Variants in SHOC2 observed in about 807,000 individuals in gnomAD.
The protein encoded by SHOC2 is SHOC2 leucine rich repeat scaffold protein, also known as leucine-rich repeat protein SHOC-2.
In SHOC2, 4 loss-of-function variants were observed where a neutral mutation model predicts 50.2. The ratio of observed to expected loss-of-function variants is 0.08; its 90% CI spans 0.04 to 0.18. The LOEUF (loss-of-function observed/expected upper bound fraction) is 0.18, where lower values mean the gene tolerates loss of function less well. Ranked by LOEUF, SHOC2 falls within the 10% of genes least tolerant of loss-of-function variation. The pLI, the probability that SHOC2 is intolerant of heterozygous loss-of-function variation, is 1.00. For missense variants in SHOC2, 388 were observed against 669.6 expected (o/e 0.58, Z 4.64); for synonymous variants, 218 against 244.5 (o/e 0.89, Z 1.01).
intron 1 of SHOC2, among the ~76,000 whole-genome samples, chr10:110,929,069 G>A (rs1846836737): frequency 6.6e-6 from 1 of 152,138 alleles, no homozygotes; most frequent in South Asian, 2.1e-4. Flanking sequence ...CCTGTGCCAA[G>A]ATCTTGAAGA....
At chr10:110,990,874 T>A (rs1848174072) in intron 3 of SHOC2, among the ~76,000 whole-genome samples, 1 of 152,222 alleles carries the variant, frequency 6.6e-6, no homozygotes, top group South Asian at 2.1e-4. Flanking sequence ...CTTATCCCTC[T>A]CATTGATGTT....
Position 110,932,622 on chromosome 10 carries a change from T to G in SHOC2, c.-235+12965T>G, listed in dbSNP as rs147534346. 7.9e-5 allele frequency among the ~76,000 whole-genome samples: 12 copies of G among 152,304 alleles called. No individual in the cohort carries two copies. The East Asian group carries it at 1.9e-3, about 25-fold the overall frequency. The stretch of plus-strand genomic sequence containing the variant: ...CCTGGATTCCTAGCCCCCTTTCACC[T>G]TTTTTGGTTGATTCCTGCTTAGATG... On this transcript the variant is annotated intron_variant, in intron 1 of 8. Coordinates refer to ENST00000369452, the MANE Select transcript of SHOC2 (RefSeq NM_007373.4).
intron 2 of SHOC2, among the ~76,000 whole-genome samples, chr10:110,971,497 T>G (rs1010470612): frequency 6.6e-6 from 1 of 152,130 alleles, no homozygotes; most frequent in Non-Finnish European, 1.5e-5. Flanking sequence ...TGCCTCCAAT[T>G]TTGTCCTTTT....
intron 1 of SHOC2, among the ~76,000 whole-genome samples, chr10:110,958,220 C>T (rs913839317): frequency 6.9e-6 from 1 of 145,472 alleles, no homozygotes; most frequent in Non-Finnish European, 1.5e-5. Context: ...TTCTTTCTTT[C>T]TTTTTTTTTT....
chr10:110,920,148 T>C (rs1327810477), intron 1 of SHOC2: 2 of 152,058 alleles, frequency 1.3e-5, no homozygotes, highest in Non-Finnish European at 2.9e-5. Flanking sequence ...TCATACAGGG[T>C]GGGGTCTCTT....
chr10:111,011,594 T>A lies in SHOC2; in HGVS notation c.1541-16T>A. The stretch of plus-strand genomic sequence containing the variant: ...CAACTAATTTTTAAAAAAAAATTGA[T>A]TTTTTTTTTAAACAGGTACACTGGA... On this transcript the variant is annotated splice_polypyrimidine_tract_variant and intron_variant, in intron 8 of 8. Transcript: ENST00000369452. 2.0e-6 allele frequency: 3 copies of A among 1,465,668 alleles called. No homozygotes were observed. Among genetic ancestry groups the A allele is most frequent in the Non-Finnish European group, 2.8e-6 (3 of 1,057,286 alleles). The allele number at this position is 1,465,668 out of a possible 1,614,324, so 90.8% of individuals were successfully genotyped here.
intron 1 of SHOC2, among the ~76,000 whole-genome samples, chr10:110,934,128 G>C (rs904188832): frequency 2.6e-5 from 4 of 152,170 alleles, no homozygotes; most frequent in Non-Finnish European, 5.9e-5. Context: ...GTTGATGCAG[G>C]CTCTTTGGAA....
At position 110,964,431 on chromosome 10, in the gene SHOC2, G is replaced by C; in HGVS notation, c.73G>C (p.Glu25Gln). 1 of 1,613,304 alleles carries C rather than the reference G, an allele frequency of 6.2e-7. No homozygotes were observed. The highest frequency in any genetic ancestry group is 1.3e-5 in the African/African-American group (1 of 74,864). ...CAAAGTACCATCAGCCAAGGAAAGA[G>C]AAAAGGAGGCAAAAGCCTCTGGAGG... ...DPKVPSAKER[E>Q]KEAKASGGFG... Residue 25 changes from glutamate to glutamine, a missense_variant, in exon 2 of 9, where the codon GAA becomes CAA. Physicochemically the swap from Glu to Gln is conservative, Grantham distance 29. This residue lies in a region of SHOC2 where 121 missense variants were observed against 145.5 expected (regional missense o/e 0.83). Coordinates refer to ENST00000369452, the MANE Select transcript of SHOC2 (RefSeq NM_007373.4). This position sits in a 1 kb window ranked among gnomAD's most constrained non-coding sequence, Gnocchi z 4.9.
chr10:110,966,522 G>A (rs1051735229), intron 2 of SHOC2, among the ~76,000 whole-genome samples: 10 of 152,010 alleles, frequency 6.6e-5, no homozygotes, highest in African/African-American at 2.2e-4. Context: ...TTGTTGTTTT[G>A]TGTATGTGTT....
At position 110,964,615 on chromosome 10, in the gene SHOC2, G is replaced by A; in HGVS notation, c.257G>A (p.Ser86Asn). Residue 86 changes from serine to asparagine, a missense_variant, in exon 2 of 9, where the codon AGC (serine) becomes AAC (asparagine). Physicochemically the swap from Ser to Asn is conservative, Grantham distance 46. This residue lies in a region of SHOC2 where 121 missense variants were observed against 145.5 expected (regional missense o/e 0.83). Transcript: ENST00000369452. This position sits in a 1 kb window ranked among gnomAD's most constrained non-coding sequence, Gnocchi z 4.9. ...NPAPGTRKKSSNAEVIKELNK... is the reference protein window; with the variant it reads ...NPAPGTRKKSNNAEVIKELNK... Reference sequence around the variant, plus strand: ...GCACCTGGGACTAGAAAAAAATCCAGCAATGCAGAGGTGATTAAAGAGCTC... The same window carrying A: ...GCACCTGGGACTAGAAAAAAATCCAACAATGCAGAGGTGATTAAAGAGCTC... 6.2e-7 allele frequency: 1 copy of A among 1,614,096 alleles called. No individual in the cohort carries two copies. The highest frequency in any genetic ancestry group is 8.5e-7 in the Non-Finnish European group (1 of 1,179,992).
intron 1 of SHOC2, among the ~76,000 whole-genome samples, chr10:110,957,044 C>A (rs753470951): frequency 6.6e-6 from 1 of 152,084 alleles, no homozygotes. Flanking sequence ...TGGGCATTTG[C>A]CCTAAGGCAA....
At chr10:110,922,251 G>A (rs1846668103) in intron 1 of SHOC2, among the ~76,000 whole-genome samples, 1 of 152,046 alleles carries the variant, frequency 6.6e-6, no homozygotes, top group Non-Finnish European at 1.5e-5. Context: ...ATTCTATGTG[G>A]AATGTTTCCA....
At chr10:110,976,763 G>C (rs569095500) in intron 2 of SHOC2, among the ~76,000 whole-genome samples, 33 of 152,208 alleles carry the variant, frequency 2.2e-4, no homozygotes, top group African/African-American at 7.9e-4. Flanking sequence ...TGATCTTGGA[G>C]TTTATAAGCC....
rs976561291 is a variant in SHOC2 at position 110,964,099 on chromosome 10, T to A, written c.-234-26T>A. 8.2e-6 allele frequency: 4 copies of A among 487,730 alleles called. No individual in the cohort carries two copies. The highest frequency in any genetic ancestry group is 1.4e-5 in the Non-Finnish European group (4 of 281,172). The allele number at this position is 487,730 out of a possible 1,614,324, so 30.2% of individuals were successfully genotyped here. ...TTTAATATAAATTATCTAAAGTAAT[T>A]TAATACTGTCTATATTATATTTCAG... On this transcript the variant is annotated intron_variant, in intron 1 of 8. Coordinates refer to ENST00000369452, the MANE Select transcript of SHOC2 (RefSeq NM_007373.4). The surrounding 1 kb of genome is among the most constrained non-coding windows in gnomAD (Gnocchi z 4.9).
chr10:110,999,736 C>CAAAAAAAAAAAAAAAAAAAA (rs145780250), intron 3 of SHOC2, among the ~76,000 whole-genome samples: 16 of 81,656 alleles, frequency 2.0e-4, no homozygotes, highest in Admixed American at 2.6e-4. Flanking sequence ...GACTCAGTCT[C>CAAAAAAAAAAAAAAAAAAAA]AAAAAAAAAA....
intron 1 of SHOC2, among the ~76,000 whole-genome samples, chr10:110,921,813 C>T (rs1000588513): frequency 3.9e-5 from 6 of 151,978 alleles, no homozygotes; most frequent in Non-Finnish European, 7.4e-5. Context: ...CCACATTCCC[C>T]CTTCAGTTTT....
chr10:110,938,842 T>C (rs926178062), intron 1 of SHOC2, among the ~76,000 whole-genome samples: 1 of 152,206 alleles, frequency 6.6e-6, no homozygotes, highest in African/African-American at 2.4e-5. Context: ...TATTTGCATG[T>C]CAGTTGCTTT....
At chr10:110,983,427 C>T (rs1848020275) in intron 2 of SHOC2, among the ~76,000 whole-genome samples, 1 of 151,998 alleles carries the variant, frequency 6.6e-6, no homozygotes, top group South Asian at 2.1e-4. Flanking sequence ...TGAGATCCTG[C>T]CTCTTTTGTA....
At chr10:111,004,509 C>A (rs1033930612) in intron 4 of SHOC2, 97 bp from the exon 5 acceptor site, 2 of 853,054 alleles carry the variant, frequency 2.3e-6, no homozygotes, top group Middle Eastern at 2.9e-4. Context: ...TGTCACCCCC[C>A]AAAGCCCTTT....
Sources: allele counts gnomAD v4.1 joint callset (sites outside exome capture counted in the v4.1 genomes callset), GRCh38; gene constraint gnomAD v4.1.1; regional missense constraint gnomAD v4.1.1; non-coding constraint Gnocchi (gnomAD v3.1); transcripts MANE v1.5; gene names NCBI Gene and HGNC (gene_info 2026-07-23, HGNC 2026-07-21).